Variants in HS6ST2 observed in about 807,000 individuals in gnomAD.
HS6ST2 encodes heparan-sulfate 6-O-sulfotransferase 2.
A neutral mutation model predicts 33.0 loss-of-function variants in HS6ST2; 17 were observed. The ratio of observed to expected loss-of-function variants is 0.52; its 90% confidence interval spans 0.35 to 0.77. HS6ST2 has a LOEUF of 0.77. Among genes scored for constraint, HS6ST2 ranks in the 30% least tolerant of loss-of-function variants. The pLI, the probability that HS6ST2 is intolerant of heterozygous loss-of-function variation, is 0.01. For synonymous variants in HS6ST2, 248 were observed against 237.1 expected (o/e 1.05, Z -0.42); for missense variants, 519 against 551.7 (o/e 0.94, Z 0.59).
At chrX:132,829,704 T>C (rs990449939) in intron 2 of HS6ST2, among the ~76,000 whole-genome samples, 1 of 111,416 alleles carries the variant, frequency 9.0e-6, no homozygotes, top group Non-Finnish European at 1.9e-5. Context: ...CATTTCCAGA[T>C]GTCTCTTCTG....
At chrX:132,719,687 A>G in intron 2 of HS6ST2, among the ~76,000 whole-genome samples, 1 of 112,267 alleles carries the variant, frequency 8.9e-6, no homozygotes, top group Non-Finnish European at 1.9e-5. Flanking sequence ...TGCCCCTTCA[A>G]GTTACAAGTG....
At chrX:132,714,916 G>A (rs777423668) in intron 2 of HS6ST2, among the ~76,000 whole-genome samples, 6 of 111,519 alleles carry the variant, frequency 5.4e-5, no homozygotes, top group Non-Finnish European at 1.9e-5. Flanking sequence ...CATAATGAGC[G>A]AATTTGAGGG....
intron 2 of HS6ST2, among the ~76,000 whole-genome samples, chrX:132,891,337 C>CAAA (rs35709493): frequency 1.9e-4 from 14 of 75,070 alleles, no homozygotes; most frequent in African/African-American, 2.3e-4. Context: ...AAATGTTTAC[C>CAAA]AAAAAAAAAA....
intron 2 of HS6ST2, among the ~76,000 whole-genome samples, chrX:132,806,793 T>C (rs1485799852): frequency 9.1e-6 from 1 of 110,004 alleles, no homozygotes; most frequent in African/African-American, 3.3e-5. Context: ...CTGCAGGCCA[T>C]GGTTTGCGGG....
At chrX:132,873,246 A>C (rs2066081396) in intron 2 of HS6ST2, among the ~76,000 whole-genome samples, 1 of 111,519 alleles carries the variant, frequency 9.0e-6, no homozygotes, top group South Asian at 3.8e-4. Flanking sequence ...CTTTTCTACT[A>C]TATGGGTGAT....
chrX:132,841,408 C>G (rs961875629), intron 2 of HS6ST2, among the ~76,000 whole-genome samples: 1 of 111,579 alleles, frequency 9.0e-6, no homozygotes, highest in Non-Finnish European at 1.9e-5. Flanking sequence ...GGGTATCAAA[C>G]TGGGCAACAG....
chrX:132,925,035 C>G (rs1269257151), intron 2 of HS6ST2, among the ~76,000 whole-genome samples: 1 of 111,027 alleles, frequency 9.0e-6, no homozygotes, highest in Non-Finnish European at 1.9e-5. Flanking sequence ...GAGCTGTGAT[C>G]GCGCCACTGC....
intron 4 of HS6ST2, among the ~76,000 whole-genome samples, chrX:132,639,167 T>C (rs1170451968): frequency 8.9e-6 from 1 of 112,327 alleles, no homozygotes; most frequent in Non-Finnish European, 1.9e-5. Flanking sequence ...CCTGGTGATA[T>C]TTACTTCTTT....
chrX:132,777,766 A>C (rs2064977732), intron 2 of HS6ST2, among the ~76,000 whole-genome samples: 1 of 110,979 alleles, frequency 9.0e-6, no homozygotes, highest in African/African-American at 3.3e-5. Context: ...CTTTTAAAGA[A>C]TGGCATTTTA....
At chrX:132,778,569 T>TG in intron 2 of HS6ST2, among the ~76,000 whole-genome samples, 1 of 108,653 alleles carries the variant, frequency 9.2e-6, no homozygotes, top group South Asian at 4.0e-4. Flanking sequence ...CCAGCTAATT[T>TG]TTTTTTTTGT....
At chrX:132,815,139 T>C (rs1385914244) in intron 2 of HS6ST2, among the ~76,000 whole-genome samples, 1 of 112,353 alleles carries the variant, frequency 8.9e-6, no homozygotes, top group African/African-American at 3.2e-5. Flanking sequence ...CAAAAATATA[T>C]GTTGGAAGAA....
intron 2 of HS6ST2, among the ~76,000 whole-genome samples, chrX:132,861,107 G>A (rs185580803): frequency 1.8e-5 from 2 of 110,971 alleles, no homozygotes; most frequent in African/African-American, 3.3e-5. Flanking sequence ...TGTATCTTTC[G>A]ACAGGATTGA....
chrX:132,856,688 C>A (rs914168587), intron 2 of HS6ST2, among the ~76,000 whole-genome samples: 1 of 109,629 alleles, frequency 9.1e-6, no homozygotes, highest in Non-Finnish European at 1.9e-5. Context: ...TCTGATAGCC[C>A]GGGGAAAAAA....
chrX:132,673,539 T>C (rs763409678), intron 3 of HS6ST2, among the ~76,000 whole-genome samples: 1 of 112,689 alleles, frequency 8.9e-6, no homozygotes, highest in East Asian at 2.8e-4. Context: ...TGCATTTGTA[T>C]AGTCCTTAAT....
chrX:132,935,864 CT>C (rs2066817800), intron 2 of HS6ST2, among the ~76,000 whole-genome samples: 1 of 109,612 alleles, frequency 9.1e-6, no homozygotes, highest in Non-Finnish European at 1.9e-5. Flanking sequence ...GAAATATTTT[CT>C]TTTTGAAAAT....
At chrX:132,709,732 A>G (rs2064215206) in intron 2 of HS6ST2, among the ~76,000 whole-genome samples, 1 of 109,614 alleles carries the variant, frequency 9.1e-6, no homozygotes, top group Non-Finnish European at 1.9e-5. Context: ...GAGTCCCTAC[A>G]CAGTGAAGAG....
intron 2 of HS6ST2, among the ~76,000 whole-genome samples, chrX:132,867,674 T>G (rs1397230350): frequency 1.8e-5 from 2 of 111,594 alleles, no homozygotes; most frequent in African/African-American, 6.5e-5. Flanking sequence ...GAATTTCATA[T>G]CCAGCGAAAC....
chrX:132,648,947 T>C (rs888593359), intron 4 of HS6ST2, among the ~76,000 whole-genome samples: 2 of 112,135 alleles, frequency 1.8e-5, no homozygotes, highest in African/African-American at 3.2e-5. Flanking sequence ...TATTTTATCA[T>C]AGTTATTCTG....
At chrX:132,665,244 C>T (rs1442613087) in intron 4 of HS6ST2, among the ~76,000 whole-genome samples, 1 of 111,995 alleles carries the variant, frequency 8.9e-6, no homozygotes, top group Admixed American at 9.5e-5. Flanking sequence ...CCTGGCTGGA[C>T]ATCCTGAGAT....
Sources: allele counts gnomAD v4.1 joint callset (sites outside exome capture counted in the v4.1 genomes callset), GRCh38; gene constraint gnomAD v4.1.1; transcripts MANE v1.5; gene names NCBI Gene and HGNC (gene_info 2026-07-23, HGNC 2026-07-21).